DYNLT2B: variants seen among roughly 807,000 people sequenced by gnomAD.
The protein encoded by DYNLT2B is dynein light chain Tctex-type 2B, also known as dynein light chain Tctex-type protein 2B.
Under a neutral mutation model 19.5 loss-of-function variants are expected in DYNLT2B, and 14 were observed. The observed-to-expected ratio is 0.72, with a 90% CI of 0.47 to 1.12. DYNLT2B has a LOEUF of 1.12. Among genes scored for constraint, DYNLT2B ranks in the 50% most tolerant of loss-of-function variants. The pLI is 0.00. For missense variants in DYNLT2B, 133 were observed against 174.7 expected (o/e 0.76, Z 1.35); for synonymous variants, 70 against 59.7 (o/e 1.17, Z -0.79).
chr3:196,294,894 CCGG>C (rs1349465300), intron 4 of DYNLT2B, among the ~76,000 whole-genome samples: 1 of 151,474 alleles, frequency 6.6e-6, no homozygotes, highest in Non-Finnish European at 1.5e-5. Flanking sequence ...ACCACCACAC[CCGG>C]CTAATTTTTT....
chr3:196,308,904 G>C (rs1487720084), intron 2 of DYNLT2B, among the ~76,000 whole-genome samples: 1 of 151,874 alleles, frequency 6.6e-6, no homozygotes, highest in African/African-American at 2.4e-5. Flanking sequence ...ATATGGTGGG[G>C]AGGGGAACTT....
chr3:196,307,054 T>C (rs374382595), intron 2 of DYNLT2B, 42 bp from the exon 3 acceptor site: 3 of 1,562,188 alleles, frequency 1.9e-6, no homozygotes, highest in Non-Finnish European at 2.6e-6. Flanking sequence ...AAATATGTAG[T>C]AAAATTACTT....
At chr3:196,303,061 T>C (rs769596) in intron 3 of DYNLT2B, among the ~76,000 whole-genome samples, 14 of 152,164 alleles carry the variant, frequency 9.2e-5, no homozygotes, top group Middle Eastern at 3.4e-3. Context: ...GCTTGAGATA[T>C]TTTGCAGACC....
chr3:196,303,211 G>A (rs559351969), intron 3 of DYNLT2B, among the ~76,000 whole-genome samples: 1 of 151,732 alleles, frequency 6.6e-6, no homozygotes, highest in South Asian at 2.1e-4. Flanking sequence ...CAGCACTCCC[G>A]GCTCACTGGC....
intron 3 of DYNLT2B, among the ~76,000 whole-genome samples, chr3:196,303,090 C>T (rs1311378538): frequency 6.6e-6 from 1 of 152,122 alleles, no homozygotes; most frequent in Non-Finnish European, 1.5e-5. Context: ...GATGGATCAG[C>T]TGGCACCACC....
chr3:196,306,058 C>T (rs1490058389), intron 3 of DYNLT2B, among the ~76,000 whole-genome samples: 2 of 151,942 alleles, frequency 1.3e-5, no homozygotes, highest in Non-Finnish European at 2.9e-5. Flanking sequence ...TCCTAATTTA[C>T]ATATTAACCA....
At position 196,294,128 on chromosome 3, in the gene DYNLT2B, G is replaced by A. The variant is rs1007164723; in HGVS notation, c.381+1878C>T. Among the ~76,000 whole-genome samples the A allele has an allele frequency of 1.2e-4, 18 of 152,120 alleles. No homozygotes were observed. The East Asian group carries it at 2.0e-3, about 17-fold the overall frequency. ...GAACTCTGGGAGGCCGAGGCGGGCC[G>A]ATCACCTGAGGTCGGGAGCTCCAGA... On this transcript the variant is annotated intron_variant, in intron 4 of 4. Transcript: ENST00000325318.
At chr3:196,293,003 G>A (rs984585038) in intron 4 of DYNLT2B, among the ~76,000 whole-genome samples, 23 of 152,100 alleles carry the variant, frequency 1.5e-4, no homozygotes, top group African/African-American at 5.1e-4. Context: ...ACAGGCGCCC[G>A]CCACCTTGCC....
intron 3 of DYNLT2B, among the ~76,000 whole-genome samples, chr3:196,304,237 A>G (rs1726429095): frequency 6.6e-6 from 1 of 151,806 alleles, no homozygotes; most frequent in African/African-American, 2.4e-5. Flanking sequence ...GGTTCAAGCA[A>G]TTCTCCTGCC....
At chr3:196,298,853 A>G (rs1726282248) in intron 3 of DYNLT2B, among the ~76,000 whole-genome samples, 1 of 152,158 alleles carries the variant, frequency 6.6e-6, no homozygotes, top group Non-Finnish European at 1.5e-5. Context: ...AGAACAAATT[A>G]CTGAGGGAAA....
At chr3:196,303,697 C>T (rs1364842176) in intron 3 of DYNLT2B, among the ~76,000 whole-genome samples, 5 of 151,970 alleles carry the variant, frequency 3.3e-5, no homozygotes, top group Admixed American at 6.6e-5. Context: ...AAACTGTTAC[C>T]GCCAAGAAGA....
At chr3:196,300,295 G>C (rs183959731) in intron 3 of DYNLT2B, among the ~76,000 whole-genome samples, 1 of 152,328 alleles carries the variant, frequency 6.6e-6, no homozygotes, top group Non-Finnish European at 1.5e-5. Flanking sequence ...AGTACACTAA[G>C]GAAAAAGCCT....
At chr3:196,314,826 CAAAACAA>C (rs1196352097) in intron 2 of DYNLT2B, among the ~76,000 whole-genome samples, 3 of 150,818 alleles carry the variant, frequency 2.0e-5, no homozygotes, top group African/African-American at 7.3e-5. Context: ...ATTTCAAAAA[CAAAACAA>C]AACAAAAAAA....
chr3:196,294,189 T>C (rs1726167877), intron 4 of DYNLT2B, among the ~76,000 whole-genome samples: 1 of 151,788 alleles, frequency 6.6e-6, no homozygotes, highest in Admixed American at 6.6e-5. Flanking sequence ...CTGTCTCTAC[T>C]AAAATTACAA....
At chr3:196,299,170 A>T (rs1418332382) in intron 3 of DYNLT2B, among the ~76,000 whole-genome samples, 1 of 150,790 alleles carries the variant, frequency 6.6e-6, no homozygotes, top group Non-Finnish European at 1.5e-5. Context: ...CTGCAACCAC[A>T]ACCTCCCGGG....
chr3:196,304,585 G>T (rs953634539), intron 3 of DYNLT2B, among the ~76,000 whole-genome samples: 5 of 151,864 alleles, frequency 3.3e-5, no homozygotes, highest in Non-Finnish European at 4.4e-5. Context: ...CAGCTACTCG[G>T]GAGGCTGAGG....
In DYNLT2B at chr3:196,307,030, GGTTA is replaced by G. The variant is rs1174432003; in HGVS notation, c.248-22_248-19del. On this transcript the variant is annotated intron_variant, in intron 2 of 4. Transcript: ENST00000325318. ...TCCCATTTCTAGAAAGAAAAAATAAGGTTATTTATAAGCAAATATGTAGTAAAAT... is the reference window on the plus strand; with the variant it reads ...TCCCATTTCTAGAAAGAAAAAATAAGTTTATAAGCAAATATGTAGTAAAAT... The G allele has an allele frequency of 1.2e-6, 2 of 1,609,108 alleles. No individual in the cohort carries two copies.
chr3:196,300,331 C>A (rs979995301), intron 3 of DYNLT2B, among the ~76,000 whole-genome samples: 1 of 152,152 alleles, frequency 6.6e-6, no homozygotes, highest in African/African-American at 2.4e-5. Context: ...AAGTTTTATG[C>A]TGAGGAGACA....
intron 3 of DYNLT2B, among the ~76,000 whole-genome samples, chr3:196,306,247 C>CGAA (rs1560189877): frequency 1.1e-4 from 11 of 104,576 alleles, no homozygotes; most frequent in Admixed American, 1.8e-4. Context: ...CCCATCTCTG[C>CGAA]AAAAAAAAAA....
Sources: allele counts gnomAD v4.1 joint callset (sites outside exome capture counted in the v4.1 genomes callset), GRCh38; gene constraint gnomAD v4.1.1; transcripts MANE v1.5; gene names NCBI Gene and HGNC (gene_info 2026-07-23, HGNC 2026-07-21).